Variants in CD58 observed in about 807,000 individuals in gnomAD.
The protein encoded by CD58 is lymphocyte function-associated antigen 3.
In CD58, 14 loss-of-function variants were observed where a neutral mutation model predicts 27.6. That is an observed-to-expected ratio of 0.51 (90% CI 0.34 to 0.79). CD58 has a LOEUF of 0.79. Ranked by LOEUF, CD58 falls within the 30% of genes least tolerant of loss-of-function variation. The probability of loss-of-function intolerance (pLI) is 0.02; values close to 1 mark genes in which losing one functional copy is unlikely to be tolerated. For missense variants in CD58, 268 were observed against 301.7 expected, an observed-to-expected ratio of 0.89 and a Z score of 0.83; for synonymous variants, 117 against 103.8, an observed-to-expected ratio of 1.13 and a Z score of -0.77.
Position 116,516,968 on chromosome 1 carries a change from C to T in CD58, c.744-2146G>A, listed in dbSNP as rs532004504. Among the ~76,000 whole-genome samples, 7 of 152,244 alleles carry T rather than the reference C, an allele frequency of 4.6e-5. No homozygotes were observed. The South Asian group carries it at 1.4e-3, about 32-fold the overall frequency. ...CCCCACCCTATCAGCTAGCACAGTG[C>T]CTGGTATCGCATAATCTCCATAACG... On this transcript the variant is annotated intron_variant, in intron 5 of 5. Coordinates refer to ENST00000369489, the MANE Select transcript of CD58 (RefSeq NM_001779.3). The surrounding 1 kb of genome is among the most constrained non-coding windows in gnomAD (Gnocchi z 6.1).
rs1658694530 is a variant in CD58 at position 116,559,669 on chromosome 1, T to TTCCC, written c.70+11230_70+11233dup. 6.6e-6 allele frequency among the ~76,000 whole-genome samples: 1 copy of TTCCC among 152,142 alleles called. No individual in the cohort carries two copies. The highest frequency in any genetic ancestry group is 2.4e-5 in the African/African-American group (1 of 41,436). ...CTCGGTCCCCAAGGCCAGAGCAAGGTTCCCGGACCTTGCTCTCAGCTGTCA... is the reference window on the plus strand; with the variant it reads ...CTCGGTCCCCAAGGCCAGAGCAAGGTTCCCTCCCGGACCTTGCTCTCAGCTGTCA... On this transcript the variant is annotated intron_variant, in intron 1 of 5. Transcript: ENST00000369489. The surrounding 1 kb of genome is among the most constrained non-coding windows in gnomAD (Gnocchi z 4.4).
intron 2 of CD58, among the ~76,000 whole-genome samples, chr1:116,539,682 G>A (rs560305072): frequency 6.6e-6 from 1 of 152,138 alleles, no homozygotes; most frequent in South Asian, 2.1e-4. Flanking sequence ...AGGTAGAAGT[G>A]CCTATCCAAC....
chr1:116,533,052 C>T (rs1657669918), intron 3 of CD58: 10 of 728,474 alleles, frequency 1.4e-5, no homozygotes, highest in Non-Finnish European at 2.5e-5. Context: ...TCTTCACCTT[C>T]GTCAAAATTG....
At chr1:116,564,957 C>A (rs1198781493) in intron 1 of CD58, among the ~76,000 whole-genome samples, 3 of 152,174 alleles carry the variant, frequency 2.0e-5, no homozygotes, top group Non-Finnish European at 4.4e-5. Context: ...CCAGCACTAT[C>A]CAGGCCCTAT....
intron 1 of CD58, among the ~76,000 whole-genome samples, chr1:116,569,642 C>T (rs1659055426): frequency 6.9e-6 from 1 of 145,530 alleles, no homozygotes; most frequent in African/African-American, 2.6e-5. Flanking sequence ...TATTCTGTCA[C>T]CCAGGCTGGA....
chr1:116,550,421 C>T lies in CD58; in HGVS notation c.71-5817G>A, dbSNP rs960066351. On this transcript the variant is annotated intron_variant, in intron 1 of 5. Coordinates refer to ENST00000369489, the MANE Select transcript of CD58 (RefSeq NM_001779.3). The surrounding 1 kb of genome is among the most constrained non-coding windows in gnomAD (Gnocchi z 4.2). ...GGAGTATAGATGCCATCTGAAGAAA[C>T]CACTTTCTTTGCTCATCCATAAGAA... is the stretch of plus-strand genomic sequence containing the variant. Among the ~76,000 whole-genome samples, 13 of 152,098 alleles carry T rather than the reference C, an allele frequency of 8.5e-5. No homozygotes were observed. Among genetic ancestry groups the T allele is most frequent in the African/African-American group, 3.1e-4 (13 of 41,372 alleles).
intron 1 of CD58, among the ~76,000 whole-genome samples, chr1:116,545,619 T>A (rs187367668): frequency 1.3e-5 from 2 of 151,960 alleles, no homozygotes; most frequent in African/African-American, 4.8e-5. Context: ...AAGTCGAGGG[T>A]GTGATGAAGA....
In CD58 at chr1:116,538,467, T is replaced by C. The variant is rs1474529043; in HGVS notation, c.365-2239A>G. Among the ~76,000 whole-genome samples, 1 of 152,202 alleles carries C rather than the reference T, an allele frequency of 6.6e-6. No homozygotes were observed. Among genetic ancestry groups the C allele is most frequent in the Non-Finnish European group, 1.5e-5 (1 of 68,032 alleles). ...TGCCTCTGTAACTAGGCTGGGCATT[T>C]CTCAGGGGCAGAAAACCAAGCTTTC... is the stretch of plus-strand genomic sequence containing the variant. On this transcript the variant is annotated intron_variant, in intron 2 of 5. Coordinates refer to ENST00000369489, the MANE Select transcript of CD58 (RefSeq NM_001779.3). This position sits in a 1 kb window ranked among gnomAD's most constrained non-coding sequence, Gnocchi z 4.7.
At chr1:116,533,206 G>T (rs1657674643) in intron 3 of CD58, 3 of 764,850 alleles carry the variant, frequency 3.9e-6, no homozygotes, top group Non-Finnish European at 7.2e-6. Flanking sequence ...GCTTTCAGTG[G>T]ATTGAAGAAG....
At chr1:116,539,473 CAG>C (rs1234811609) in intron 2 of CD58, among the ~76,000 whole-genome samples, 1 of 151,204 alleles carries the variant, frequency 6.6e-6, no homozygotes, top group Non-Finnish European at 1.5e-5. Context: ...AAAGGTCAAA[CAG>C]AATATGACTG....
chr1:116,519,704 C>T lies in CD58; in HGVS notation c.707-437G>A, dbSNP rs1657208479. ...TGTCACAAATATAAAATTATTTCAA[C>T]ATGTACTCAATATAAACATTTTTTA... is the stretch of plus-strand genomic sequence containing the variant. On this transcript the variant is annotated intron_variant, in intron 4 of 5. Transcript: ENST00000369489. This position sits in a 1 kb window ranked among gnomAD's most constrained non-coding sequence, Gnocchi z 4.7. 6.6e-6 allele frequency among the ~76,000 whole-genome samples: 1 copy of T among 152,146 alleles called. No individual in the cohort carries two copies.
Position 116,544,519 on chromosome 1 carries a change from T to C in CD58, c.156A>G (p.Lys52=). 1 of 1,613,688 alleles carries C rather than the reference T, an allele frequency of 6.2e-7. No individual in the cohort carries two copies. The highest frequency in any genetic ancestry group is 2.2e-5 in the East Asian group (1 of 44,852). Reference sequence around the variant, plus strand: ...CCTTTTGTTTTTTCCATAGGACCTCTTTTAAAGGCACATTGCTTGGTACAT... The same window carrying C: ...CCTTTTGTTTTTTCCATAGGACCTCCTTTAAAGGCACATTGCTTGGTACAT... ...TFHVPSNVPL[K]EVLWKKQKDK... Residue 52 remains lysine (K), a synonymous_variant, in exon 2 of 6, where the codon AAA becomes AAG. Transcript: ENST00000369489.
chr1:116,526,439 A>C (rs1372491049), intron 3 of CD58, among the ~76,000 whole-genome samples: 1 of 152,210 alleles, frequency 6.6e-6, no homozygotes, highest in Admixed American at 6.5e-5. Context: ...ATTTGTTGAA[A>C]AGATCATCTT....
At chr1:116,569,215 A>C (rs778526820) in intron 1 of CD58, among the ~76,000 whole-genome samples, 132 of 152,280 alleles carry the variant, frequency 8.7e-4, no homozygotes, top group Admixed American at 4.4e-3. Flanking sequence ...CCCTGTTTGT[A>C]TCTCTTCTTT....
chr1:116,534,007 TC>T lies in CD58; in HGVS notation c.628+1957del. ...AACTCCAGGATTCTGCATCACCTGA[TC>T]CGTGAGCTTTTCCGTCTTACTTGCA... On this transcript the variant is annotated intron_variant, in intron 3 of 5. Coordinates refer to ENST00000369489, the MANE Select transcript of CD58 (RefSeq NM_001779.3). This position sits in a 1 kb window ranked among gnomAD's most constrained non-coding sequence, Gnocchi z 5.3. The T allele has an allele frequency of 7.5e-7, 1 of 1,338,604 alleles. No individual in the cohort carries two copies. The highest frequency in any genetic ancestry group is 1.1e-6 in the Non-Finnish European group (1 of 933,970). The allele number at this position is 1,338,604 out of a possible 1,614,324, so 82.9% of individuals were successfully genotyped here. A position where few individuals can be genotyped will look rare whatever the true frequency, so the allele number is the denominator to read the frequency against.
rs1337438859 is a variant in CD58 at position 116,527,361 on chromosome 1, A to C, written c.629-5378T>G. ...TTGAAAAAGTTTCCCCTCTATTCCT[A>C]GTTTACTGAGAGTTTTTATCATAAA... On this transcript the variant is annotated intron_variant, in intron 3 of 5. Transcript: ENST00000369489. This position sits in a 1 kb window ranked among gnomAD's most constrained non-coding sequence, Gnocchi z 4.4. Among the ~76,000 whole-genome samples the C allele has an allele frequency of 6.6e-6, 1 of 152,088 alleles. No individual in the cohort carries two copies. Among genetic ancestry groups the C allele is most frequent in the Non-Finnish European group, 1.5e-5 (1 of 68,002 alleles).
chr1:116,554,716 TC>T (rs1219349827), intron 1 of CD58, among the ~76,000 whole-genome samples: 1 of 152,098 alleles, frequency 6.6e-6, no homozygotes, highest in Non-Finnish European at 1.5e-5. Flanking sequence ...TTAATACAGG[TC>T]ACATTGAAAA....
At position 116,544,565 on chromosome 1, in the gene CD58, A is replaced by C; in HGVS notation, c.110T>G (p.Val37Gly). ...SCFSQQIYGV[V>G]YGNVTFHVPS... ...TACATGGAAAGTTACATTCCCATAC[A>C]CAACACCATATATTTGTTGGGAAAA... Residue 37 changes from valine to glycine, a missense_variant, in exon 2 of 6, where the codon GTG (valine) becomes GGG (glycine). By Grantham distance (109) the Val-to-Gly change is moderately radical. Transcript: ENST00000369489. The C allele has an allele frequency of 6.2e-7, 1 of 1,608,564 alleles. No individual in the cohort carries two copies. Among genetic ancestry groups the C allele is most frequent in the Non-Finnish European group, 8.5e-7 (1 of 1,177,438 alleles).
intron 1 of CD58, among the ~76,000 whole-genome samples, chr1:116,547,301 C>T (rs1190533835): frequency 6.6e-6 from 1 of 150,406 alleles, no homozygotes; most frequent in Non-Finnish European, 1.5e-5. Context: ...ATCCAGGTTG[C>T]TGTGAATGCC....
Sources: gnomAD v4.1 joint callset for allele counts (sites outside exome capture counted in the v4.1 genomes callset) on GRCh38, gnomAD v4.1.1 for gene constraint, Gnocchi (gnomAD v3.1) non-coding constraint, MANE v1.5 for transcripts, NCBI Gene and HGNC (gene_info 2026-07-23, HGNC 2026-07-21) for gene names.